The following SLC35F4 variants were observed in gnomAD, a reference collection of about 807,000 sequenced individuals.
SLC35F4 encodes the protein solute carrier family 35 member F4.
In SLC35F4, 24 loss-of-function variants were observed where a neutral mutation model predicts 44.2. The observed-to-expected ratio is 0.54, with a 90% CI of 0.39 to 0.76. The LOEUF is 0.76. Ranked by LOEUF, SLC35F4 falls within the 30% of genes least tolerant of loss-of-function variation. The pLI is 0.00. For synonymous variants in SLC35F4, 238 were observed against 223.6 expected, an observed-to-expected ratio of 1.06 and a Z score of -0.57; for missense variants, 562 against 586.1, an observed-to-expected ratio of 0.96 and a Z score of 0.42.
At chr14:57,602,736 A>C (rs1206102762) in intron 1 of SLC35F4, among the ~76,000 whole-genome samples, 1 of 152,138 alleles carries the variant, frequency 6.6e-6, no homozygotes, top group African/African-American at 2.4e-5. Context: ...CTTGTCAAGC[A>C]CCTGTTCTGG....
Position 57,651,651 on chromosome 14 carries a change from G to A in SLC35F4, c.104-57527C>T, listed in dbSNP as rs116878218. Among the ~76,000 whole-genome samples, 785 of 152,222 alleles carry A rather than the reference G, an allele frequency of 5.2e-3. 16 individuals are homozygous for A. The highest frequency in any genetic ancestry group is 3.9e-3 in the Non-Finnish European group (266 of 68,000). On this transcript the variant is annotated intron_variant, in intron 1 of 7. Coordinates refer to ENST00000556826, the MANE Select transcript of SLC35F4 (RefSeq NM_001306087.2). Reference sequence around the variant, plus strand: ...GAGACAGGAACAGGGTGGAGCTGAGGTAGCACTTTCTAGACTGGTCATTCA... The same window carrying A: ...GAGACAGGAACAGGGTGGAGCTGAGATAGCACTTTCTAGACTGGTCATTCA...
In SLC35F4 at chr14:57,564,010, G is replaced by T; in HGVS notation, c.*125C>A. On this transcript the variant is annotated 3_prime_UTR_variant, in exon 8 of 8. Coordinates refer to ENST00000556826, the MANE Select transcript of SLC35F4 (RefSeq NM_001306087.2). Reference sequence around the variant, plus strand: ...ATATAAATGTAAACTTTTATTGTTGGCATTATTTCACATATGATTTATCCA... The same window carrying T: ...ATATAAATGTAAACTTTTATTGTTGTCATTATTTCACATATGATTTATCCA... The T allele has an allele frequency of 9.9e-7, 1 of 1,014,318 alleles. No homozygotes were observed. The allele number at this position is 1,014,318 out of a possible 1,614,324, so 62.8% of individuals were successfully genotyped here.
At chr14:57,743,654 G>A (rs1449903142) in intron 1 of SLC35F4, among the ~76,000 whole-genome samples, 1 of 152,144 alleles carries the variant, frequency 6.6e-6, no homozygotes, top group African/African-American at 2.4e-5. Context: ...GTACAAAGAG[G>A]AGCTGGTACC....
chr14:57,779,202 G>C lies in SLC35F4; in HGVS notation c.103+86521C>G, dbSNP rs151278268. On this transcript the variant is annotated intron_variant, in intron 1 of 7. Coordinates refer to ENST00000556826, the MANE Select transcript of SLC35F4 (RefSeq NM_001306087.2). ...AATAGATCAGTGAATCCAGGAGTTG[G>C]TTTTTTGAAAAAATTCATAAACTAG... Among the ~76,000 whole-genome samples the C allele has an allele frequency of 9.2e-3, 1,398 of 152,074 alleles. 22 individuals carry two copies. Among genetic ancestry groups the C allele is most frequent in the African/African-American group, 0.032 (1,333 of 41,518 alleles).
Position 57,594,015 on chromosome 14 carries a change from A to C in SLC35F4, c.213T>G (p.Ser71=). ...GGTTTTGAAGTTCAAGAATAGGAGC[A>C]GAGGAATCTTCGGTGACAGACAGTG... The part of the protein sequence containing the change: ...LSPLSVTEDS[S]APILELQNQG... The change falls in exon 2 of 8, where the codon TCT becomes TCG. Residue 71 remains serine (S), a synonymous_variant. Coordinates refer to ENST00000556826, the MANE Select transcript of SLC35F4 (RefSeq NM_001306087.2). The C allele has an allele frequency of 1.2e-6, 2 of 1,613,958 alleles. No individual in the cohort carries two copies. Among genetic ancestry groups the C allele is most frequent in the South Asian group, 2.2e-5 (2 of 91,084 alleles).
At chr14:57,579,441 C>G (rs2069073882) in intron 4 of SLC35F4, 1 of 147,944 alleles carries the variant, frequency 6.8e-6, no homozygotes, top group African/African-American at 2.4e-5. Flanking sequence ...TGGACGTAAC[C>G]TCTTGCATCA....
intron 1 of SLC35F4, among the ~76,000 whole-genome samples, chr14:57,938,036 G>T (rs138199777): frequency 6.6e-6 from 1 of 152,038 alleles, no homozygotes; most frequent in African/African-American, 2.4e-5. Context: ...CTGAAAATGC[G>T]TCTTCCTTAT....
At chr14:57,753,716 G>A (rs889813119) in intron 1 of SLC35F4, among the ~76,000 whole-genome samples, 1 of 152,154 alleles carries the variant, frequency 6.6e-6, no homozygotes, top group African/African-American at 2.4e-5. Context: ...GGGAGCTGCT[G>A]CCCTTCTTCC....
chr14:57,796,713 A>T (rs2078061545), intron 1 of SLC35F4, among the ~76,000 whole-genome samples: 1 of 152,214 alleles, frequency 6.6e-6, no homozygotes, highest in South Asian at 2.1e-4. Context: ...GAATGAAATA[A>T]GTAGGCATAG....
intron 1 of SLC35F4, among the ~76,000 whole-genome samples, chr14:57,894,737 CAAAT>C (rs532895584): frequency 3.0e-4 from 46 of 151,898 alleles, no homozygotes; most frequent in Non-Finnish European, 5.4e-4. Flanking sequence ...AAACTAGTAA[CAAAT>C]AAAACCAATC....
chr14:57,846,783 AGAGT>A (rs1267851357), intron 1 of SLC35F4, among the ~76,000 whole-genome samples: 10 of 152,350 alleles, frequency 6.6e-5, no homozygotes, highest in African/African-American at 2.4e-4. Context: ...GAAATGCATC[AGAGT>A]GAGATTAAAT....
chr14:57,723,146 C>T (rs1189148205), intron 1 of SLC35F4, among the ~76,000 whole-genome samples: 2 of 152,080 alleles, frequency 1.3e-5, no homozygotes, highest in Non-Finnish European at 2.9e-5. Context: ...TTATGGAGGT[C>T]AGGTAATTAA....
chr14:57,777,762 T>C (rs1288771010), intron 1 of SLC35F4, among the ~76,000 whole-genome samples: 1 of 152,010 alleles, frequency 6.6e-6, no homozygotes, highest in African/African-American at 2.4e-5. Context: ...ACATGTACCC[T>C]GGAACTTAAA....
chr14:57,736,157 T>G (rs891296896), intron 1 of SLC35F4, among the ~76,000 whole-genome samples: 1 of 152,194 alleles, frequency 6.6e-6, no homozygotes, highest in African/African-American at 2.4e-5. Flanking sequence ...CTCTCAGAAC[T>G]AAGCTTGTCC....
intron 1 of SLC35F4, among the ~76,000 whole-genome samples, chr14:57,823,759 C>T (rs567667313): frequency 6.6e-6 from 1 of 152,230 alleles, no homozygotes; most frequent in East Asian, 1.9e-4. Flanking sequence ...TGATGAATAA[C>T]ATCTTTAATT....
intron 1 of SLC35F4, among the ~76,000 whole-genome samples, chr14:57,693,965 T>C (rs1164067773): frequency 6.6e-6 from 1 of 152,190 alleles, no homozygotes; most frequent in Non-Finnish European, 1.5e-5. Flanking sequence ...ACTTCAGAGA[T>C]GAAAAAATTT....
chr14:57,979,984 AC>A (rs1314948306), intron 1 of SLC35F4, among the ~76,000 whole-genome samples: 1 of 152,214 alleles, frequency 6.6e-6, no homozygotes, highest in Admixed American at 6.5e-5. Flanking sequence ...CCAACACATG[AC>A]TGCTTTATTT....
At chr14:57,725,536 T>C (rs1092034) in intron 1 of SLC35F4, among the ~76,000 whole-genome samples, 143,639 of 152,288 alleles carry the variant, frequency 0.94, 68,077 homozygotes, top group Non-Finnish European at 1. Flanking sequence ...ATGCCTTATC[T>C]GCCATTATGG....
intron 1 of SLC35F4, among the ~76,000 whole-genome samples, chr14:57,851,690 A>G (rs1313719292): frequency 6.6e-6 from 1 of 152,198 alleles, no homozygotes; most frequent in Non-Finnish European, 1.5e-5. Flanking sequence ...AGTAAATGCA[A>G]TCTGGTACTC....
Sources: gnomAD v4.1 joint callset for allele counts (sites outside exome capture counted in the v4.1 genomes callset) on GRCh38, gnomAD v4.1.1 for gene constraint, MANE v1.5 for transcripts, NCBI Gene and HGNC (gene_info 2026-07-23, HGNC 2026-07-21) for gene names.